The following AGBL4 variants were observed in gnomAD, a reference collection of about 807,000 sequenced individuals.
The protein encoded by AGBL4 is AGBL carboxypeptidase 4.
AGBL4 carries 58 observed loss-of-function variants against 66.4 expected under a neutral mutation model. The ratio of observed to expected loss-of-function variants is 0.87; its 90% CI spans 0.71 to 1.09. AGBL4 has a LOEUF of 1.09. AGBL4 is among the 50% of genes least tolerant of loss of function. AGBL4 has a pLI of 0.00. For synonymous variants in AGBL4, 234 were observed against 222.9 expected (o/e 1.05, Z -0.44); for missense variants, 579 against 631.0 (o/e 0.92, Z 0.88).
chr1:49,263,739 A>T (rs1433392680), intron 3 of AGBL4, among the ~76,000 whole-genome samples: 1 of 152,200 alleles, frequency 6.6e-6, no homozygotes, highest in Non-Finnish European at 1.5e-5. Context: ...GGTACTTGAC[A>T]ATAAAGATGT....
At chr1:48,886,086 G>A (rs1456383928) in intron 5 of AGBL4, among the ~76,000 whole-genome samples, 1 of 152,186 alleles carries the variant, frequency 6.6e-6, no homozygotes, top group Admixed American at 6.5e-5. Flanking sequence ...TGGGGCTCAG[G>A]ACACCAGCAG....
chr1:49,547,638 T>C (rs1466459819), intron 3 of AGBL4, among the ~76,000 whole-genome samples: 1 of 152,208 alleles, frequency 6.6e-6, no homozygotes, highest in Non-Finnish European at 1.5e-5. Flanking sequence ...TCCTTGAGCA[T>C]GAAATGTATT....
At position 49,257,109 on chromosome 1, in the gene AGBL4, CA is replaced by C. The variant is rs199515108; in HGVS notation, c.283-11246del. ...AAGATAGACATATTTGAGTATTTTA[CA>C]AAAAAAAATACTATGCAAAACGATA... On this transcript the variant is annotated intron_variant, in intron 3 of 13. Transcript: ENST00000371839. 2.6e-4 allele frequency among the ~76,000 whole-genome samples: 36 copies of C among 140,182 alleles called. 1 individual carries two copies. Among genetic ancestry groups the C allele is most frequent in the African/African-American group, 5.0e-4 (19 of 38,068 alleles). The allele number at this position is 140,182 out of a possible 152,430, so 92.0% of individuals were successfully genotyped here. A position where few individuals can be genotyped will look rare whatever the true frequency, so the allele number is the denominator to read the frequency against.
intron 3 of AGBL4, among the ~76,000 whole-genome samples, chr1:49,381,365 T>C (rs912956433): frequency 3.3e-5 from 5 of 152,290 alleles, no homozygotes; most frequent in African/African-American, 1.2e-4. Context: ...GGAGAGGATG[T>C]GGAGAAATAG....
At chr1:49,024,281 AC>A (rs1663472254) in intron 5 of AGBL4, among the ~76,000 whole-genome samples, 1 of 152,148 alleles carries the variant, frequency 6.6e-6, no homozygotes, top group African/African-American at 2.4e-5. Context: ...CCAATCCTGA[AC>A]ATGACAGGGA....
intron 2 of AGBL4, among the ~76,000 whole-genome samples, chr1:49,819,379 C>G (rs868263919): frequency 2.6e-5 from 4 of 152,252 alleles, no homozygotes; most frequent in East Asian, 1.9e-4. Flanking sequence ...ATATTAGCAA[C>G]TTACAGAACA....
chr1:48,531,181 G>A (rs1369332227), downstream of AGBL4, among the ~76,000 whole-genome samples: 1 of 151,430 alleles, frequency 6.6e-6, no homozygotes, highest in African/African-American at 2.4e-5. Context: ...CCCTCCTACA[G>A]GCTGCCTTAT....
intron 9 of AGBL4, among the ~76,000 whole-genome samples, chr1:48,625,090 CTCCTTCCT>C (rs66798647): frequency 0.12 from 16,263 of 140,256 alleles, 1,201 homozygotes; most frequent in East Asian, 0.18. Flanking sequence ...TTTTTTCTTT[CTCCTTCCT>C]TCCTTCCTTC....
At chr1:49,461,660 C>G (rs938350114) in intron 3 of AGBL4, among the ~76,000 whole-genome samples, 5 of 146,404 alleles carry the variant, frequency 3.4e-5, no homozygotes, top group African/African-American at 1.3e-4. Flanking sequence ...TGATGTTCCC[C>G]TCCCTGTGTC....
chr1:49,757,400 A>G (rs900047799), intron 2 of AGBL4, among the ~76,000 whole-genome samples: 1 of 152,196 alleles, frequency 6.6e-6, no homozygotes, highest in African/African-American at 2.4e-5. Flanking sequence ...TGACTTTAGA[A>G]TTGGGTTACA....
chr1:48,795,369 C>T (rs1645649191), intron 6 of AGBL4, among the ~76,000 whole-genome samples: 1 of 152,292 alleles, frequency 6.6e-6, no homozygotes, highest in Non-Finnish European at 1.5e-5. Flanking sequence ...CTGGCTGCCA[C>T]CTTGTTCTTC....
intron 1 of AGBL4, among the ~76,000 whole-genome samples, chr1:49,948,156 A>C (rs1454321219): frequency 1.9e-5 from 2 of 103,612 alleles, no homozygotes; most frequent in Admixed American, 1.4e-4. Context: ...ATATAAATAT[A>C]CGTAAATATA....
At chr1:49,129,559 C>A (rs573245319) in intron 4 of AGBL4, among the ~76,000 whole-genome samples, 1 of 150,842 alleles carries the variant, frequency 6.6e-6, no homozygotes, top group Admixed American at 6.6e-5. Flanking sequence ...TGAGAACATG[C>A]GGTGTTTGGT....
At chr1:49,333,736 A>C (rs1015110099) in intron 3 of AGBL4, among the ~76,000 whole-genome samples, 9 of 152,172 alleles carry the variant, frequency 5.9e-5, no homozygotes, top group African/African-American at 2.2e-4. Flanking sequence ...AAAATTAAAG[A>C]CTGGGTTTTT....
At chr1:48,564,920 G>T (rs1644452507) in intron 11 of AGBL4, among the ~76,000 whole-genome samples, 2 of 152,146 alleles carry the variant, frequency 1.3e-5, no homozygotes, top group South Asian at 4.1e-4. Context: ...GGTCTTCTGC[G>T]CTCAGACTCT....
chr1:49,835,443 T>C (rs971767945), intron 2 of AGBL4, among the ~76,000 whole-genome samples: 23 of 152,290 alleles, frequency 1.5e-4, no homozygotes, highest in South Asian at 4.1e-4. Context: ...CCTCCATCCC[T>C]TTATTTTGAG....
At chr1:49,880,461 G>A (rs1647197554) in intron 1 of AGBL4, among the ~76,000 whole-genome samples, 1 of 152,148 alleles carries the variant, frequency 6.6e-6, no homozygotes, top group East Asian at 1.9e-4. Context: ...GTGCCTCCCA[G>A]TTAGGCTGCT....
chr1:49,769,788 T>C (rs1644002275), intron 2 of AGBL4, among the ~76,000 whole-genome samples: 1 of 152,100 alleles, frequency 6.6e-6, no homozygotes, highest in Non-Finnish European at 1.5e-5. Flanking sequence ...TCCCTACCTA[T>C]CAAGTTATAC....
chr1:49,108,176 T>C (rs1052589840), intron 4 of AGBL4, among the ~76,000 whole-genome samples: 7 of 152,186 alleles, frequency 4.6e-5, no homozygotes, highest in African/African-American at 1.7e-4. Flanking sequence ...TTCTCTGATA[T>C]CAGAATGTTC....
Sources: allele counts gnomAD v4.1 joint callset (sites outside exome capture counted in the v4.1 genomes callset), GRCh38; gene constraint gnomAD v4.1.1; transcripts MANE v1.5; gene names NCBI Gene and HGNC (gene_info 2026-07-23, HGNC 2026-07-21).